CHN1: variants seen among roughly 807,000 people sequenced by gnomAD.
CHN1 encodes chimerin 1.
A neutral mutation model predicts 59.5 loss-of-function variants in CHN1; 37 were observed. The observed-to-expected ratio is 0.62, with a 90% CI of 0.48 to 0.82. CHN1 has a LOEUF of 0.82. Among genes scored for constraint, CHN1 ranks in the 40% least tolerant of loss-of-function variants. CHN1 has a pLI of 0.00. For synonymous variants in CHN1, 206 were observed against 200.4 expected (o/e 1.03, Z -0.24); for missense variants, 469 against 571.0 (o/e 0.82, Z 1.82).
At chr2:174,959,423 G>A (rs1047245953) in intron 1 of CHN1, among the ~76,000 whole-genome samples, 4 of 152,158 alleles carry the variant, frequency 2.6e-5, no homozygotes, top group African/African-American at 9.7e-5. Flanking sequence ...CAGGGGAGGA[G>A]GGGACACTGG....
intron 2 of CHN1, among the ~76,000 whole-genome samples, chr2:174,945,530 T>C (rs1379960645): frequency 6.6e-6 from 1 of 152,180 alleles, no homozygotes; most frequent in Non-Finnish European, 1.5e-5. Context: ...GAATCATTTT[T>C]AGGGCATCTG....
At chr2:174,923,107 T>G (rs2105378415) in intron 3 of CHN1, among the ~76,000 whole-genome samples, 1 of 152,278 alleles carries the variant, frequency 6.6e-6, no homozygotes, top group African/African-American at 2.4e-5. Context: ...CGTACATTAA[T>G]TATATACCTA....
At chr2:174,961,382 G>A (rs938045518) in intron 1 of CHN1, among the ~76,000 whole-genome samples, 5 of 151,892 alleles carry the variant, frequency 3.3e-5, no homozygotes, top group African/African-American at 7.3e-5. Flanking sequence ...ACCTGAGGTC[G>A]GGAGTTCAAA....
At chr2:174,842,097 G>A (rs1366814785) in intron 7 of CHN1, among the ~76,000 whole-genome samples, 1 of 152,152 alleles carries the variant, frequency 6.6e-6, no homozygotes, top group Non-Finnish European at 1.5e-5. Flanking sequence ...CATGAGAAGA[G>A]GTTTTCAAGT....
intron 4 of CHN1, 53 bp from the exon 5 acceptor site, chr2:174,915,224 C>T (rs1688812899): frequency 7.4e-7 from 1 of 1,350,458 alleles, no homozygotes; most frequent in East Asian, 2.5e-5. Flanking sequence ...TTCAATAAAA[C>T]AAGATAAAAC....
intron 7 of CHN1, chr2:174,846,286 C>A: frequency 6.5e-7 from 1 of 1,535,076 alleles, no homozygotes; most frequent in South Asian, 1.2e-5. Context: ...CACATTAACA[C>A]AATAATTAAA....
chr2:174,847,214 C>T (rs14228), intron 6 of CHN1: 586,999 of 1,463,420 alleles, frequency 0.4, 120,251 homozygotes, highest in Admixed American at 0.59. Context: ...AGCATTCTGC[C>T]AGGCAGCACA....
At chr2:174,844,760 A>G (rs1336757963) in intron 7 of CHN1, among the ~76,000 whole-genome samples, 1 of 152,152 alleles carries the variant, frequency 6.6e-6, no homozygotes, top group Non-Finnish European at 1.5e-5. Context: ...CCACAGAAAC[A>G]TTTTTAAATA....
intron 10 of CHN1, among the ~76,000 whole-genome samples, chr2:174,810,328 A>G (rs185548331): frequency 2.0e-4 from 30 of 152,350 alleles, no homozygotes; most frequent in Middle Eastern, 3.4e-3. Context: ...ACTGGCCCCC[A>G]GCAGTGTGGC....
intron 6 of CHN1, among the ~76,000 whole-genome samples, chr2:174,859,349 C>T (rs986503690): frequency 6.6e-6 from 1 of 152,170 alleles, no homozygotes; most frequent in South Asian, 2.1e-4. Context: ...AACATAGTTT[C>T]AGGAGAACAG....
intron 1 of CHN1, among the ~76,000 whole-genome samples, chr2:174,982,513 C>T (rs1691188714): frequency 6.6e-6 from 1 of 152,162 alleles, no homozygotes; most frequent in African/African-American, 2.4e-5. Flanking sequence ...GATGGTATCT[C>T]ATAGTGGTTT....
intron 1 of CHN1, among the ~76,000 whole-genome samples, chr2:174,952,640 G>A (rs1690058766): frequency 1.3e-5 from 2 of 151,942 alleles, no homozygotes; most frequent in Non-Finnish European, 1.5e-5. Flanking sequence ...ATTTTCCCCC[G>A]TTACATTTGG....
At chr2:174,885,024 A>G (rs1458362052) in intron 5 of CHN1, among the ~76,000 whole-genome samples, 2 of 152,050 alleles carry the variant, frequency 1.3e-5, no homozygotes, top group Non-Finnish European at 2.9e-5. Flanking sequence ...GCGGTGGCTC[A>G]TGCCTGTAAT....
chr2:174,903,541 T>C (rs1273514417), intron 5 of CHN1, among the ~76,000 whole-genome samples: 1 of 152,228 alleles, frequency 6.6e-6, no homozygotes, highest in African/African-American at 2.4e-5. Context: ...TAGAAGTATG[T>C]CACGGTGGGA....
chr2:174,953,920 T>C (rs1222532216), intron 1 of CHN1, among the ~76,000 whole-genome samples: 1 of 152,166 alleles, frequency 6.6e-6, no homozygotes, highest in African/African-American at 2.4e-5. Context: ...ACCATTATTC[T>C]TCACAGAACT....
chr2:174,962,097 C>T (rs564255617), intron 1 of CHN1, among the ~76,000 whole-genome samples: 1 of 152,122 alleles, frequency 6.6e-6, no homozygotes, highest in East Asian at 1.9e-4. Flanking sequence ...CCAGCCTGAC[C>T]AACATGGTGA....
At chr2:174,912,180 T>C (rs1041923358) in intron 5 of CHN1, among the ~76,000 whole-genome samples, 6 of 152,204 alleles carry the variant, frequency 3.9e-5, no homozygotes, top group Non-Finnish European at 7.4e-5. Flanking sequence ...AAAAGAAAAT[T>C]ATAAAACTAA....
intron 5 of CHN1, among the ~76,000 whole-genome samples, chr2:174,900,676 GTGCCTGTA>G (rs1297780057): frequency 6.6e-6 from 1 of 151,962 alleles, no homozygotes; most frequent in Non-Finnish European, 1.5e-5. Flanking sequence ...GTGGTGACAG[GTGCCTGTA>G]TGCCCAGCTA....
intron 5 of CHN1, among the ~76,000 whole-genome samples, chr2:174,892,790 G>C (rs1296934384): frequency 6.6e-6 from 1 of 152,120 alleles, no homozygotes; most frequent in Non-Finnish European, 1.5e-5. Flanking sequence ...TTACCCCGGG[G>C]ATGCAAGAAT....
Sources: gnomAD v4.1 joint callset for allele counts (sites outside exome capture counted in the v4.1 genomes callset) on GRCh38, gnomAD v4.1.1 for gene constraint, MANE v1.5 for transcripts, NCBI Gene and HGNC (gene_info 2026-07-23, HGNC 2026-07-21) for gene names.